SP2: variants seen among roughly 807,000 people sequenced by gnomAD.
SP2 encodes transcription factor Sp2.
In SP2, 9 loss-of-function variants were observed where a neutral mutation model predicts 50.1. The ratio of observed to expected loss-of-function variants is 0.18; its 90% CI spans 0.11 to 0.31. The LOEUF is 0.31. SP2 is among the 10% of genes least tolerant of loss of function. SP2 has a pLI of 1.00. For synonymous variants in SP2, 313 were observed against 326.6 expected, an observed-to-expected ratio of 0.96 and a Z score of 0.45; for missense variants, 581 against 806.5, an observed-to-expected ratio of 0.72 and a Z score of 3.39.
At chr17:47,905,273 G>C (rs2034712660) in intron 1 of SP2, among the ~76,000 whole-genome samples, 1 of 152,176 alleles carries the variant, frequency 6.6e-6, no homozygotes, top group South Asian at 2.1e-4. Flanking sequence ...ATTCTTCCAG[G>C]CTAGGCAACT....
At chr17:47,912,334 T>A (rs1254924211) in intron 1 of SP2, among the ~76,000 whole-genome samples, 16 of 152,092 alleles carry the variant, frequency 1.1e-4, no homozygotes, top group Non-Finnish European at 2.4e-4. Flanking sequence ...AAGTCTCCCC[T>A]CCTCTGGAGT....
intron 2 of SP2, among the ~76,000 whole-genome samples, chr17:47,915,870 C>T (rs368212173): frequency 2.6e-5 from 4 of 152,230 alleles, no homozygotes; most frequent in South Asian, 4.1e-4. Context: ...ACAAGGCCAG[C>T]GGAGAGTAGG....
At chr17:47,904,413 G>A (rs994262594) in intron 1 of SP2, among the ~76,000 whole-genome samples, 1 of 152,140 alleles carries the variant, frequency 6.6e-6, no homozygotes, top group Non-Finnish European at 1.5e-5. Flanking sequence ...GAGAAATTAA[G>A]GACAGTAAGT....
At chr17:47,927,682 T>G (rs1388090315) in intron 6 of SP2, 42 bp from the exon 7 acceptor site, 1 of 1,385,398 alleles carries the variant, frequency 7.2e-7, no homozygotes, top group Admixed American at 2.0e-5. Flanking sequence ...AGACAGGGTC[T>G]GTGCACAGGG....
Position 47,916,137 on chromosome 17 carries a change from C to CT in SP2, c.85-18dup. ...CGGGCCTTCCTGTCTCACTCCTTTTCTCTGCTGTTTTTTTGCAGGACTCCC... is the reference window on the plus strand; with the variant it reads ...CGGGCCTTCCTGTCTCACTCCTTTTCTTCTGCTGTTTTTTTGCAGGACTCCC... On this transcript the variant is annotated intron_variant, in intron 2 of 6. Coordinates refer to ENST00000376741, the MANE Select transcript of SP2 (RefSeq NM_003110.6). This position sits in a 1 kb window ranked among gnomAD's most constrained non-coding sequence, Gnocchi z 4.7. 2 of 1,585,480 alleles carry CT rather than the reference C, an allele frequency of 1.3e-6. No homozygotes were observed. Among genetic ancestry groups the CT allele is most frequent in the Non-Finnish European group, 1.7e-6 (2 of 1,164,666 alleles).
chr17:47,911,120 G>A (rs982285712), intron 1 of SP2, among the ~76,000 whole-genome samples: 1 of 152,090 alleles, frequency 6.6e-6, no homozygotes, highest in African/African-American at 2.4e-5. Context: ...CAGCTACTTG[G>A]GGGGCTGAGG....
intron 1 of SP2, among the ~76,000 whole-genome samples, chr17:47,905,902 CAG>C (rs2034741321): frequency 6.6e-6 from 1 of 152,120 alleles, no homozygotes; most frequent in African/African-American, 2.4e-5. Context: ...CCAAGTGAGA[CAG>C]GGTGGCGTGT....
intron 1 of SP2, 82 bp from the exon 2 acceptor site, chr17:47,915,228 TAG>T: frequency 2.2e-6 from 2 of 910,214 alleles, no homozygotes; most frequent in Non-Finnish European, 3.3e-6. Context: ...AAAAAAAAAA[TAG>T]AAAAAAAGAA....
rs141770215 is a variant in SP2, at chr17:47,905,392, AT to A, written c.7+9100del. Reference sequence around the variant, plus strand: ...ACAGTGTGAAATTCCTCCAGGGGAAATACCATAGCAAAAAGCCAAGAAAGCC... The same window carrying A: ...ACAGTGTGAAATTCCTCCAGGGGAAAACCATAGCAAAAAGCCAAGAAAGCC... On this transcript the variant is annotated intron_variant, in intron 1 of 6. Transcript: ENST00000376741. Among the ~76,000 whole-genome samples the A allele has an allele frequency of 4.6e-3, 707 of 152,310 alleles. 3 individuals carry two copies. The highest frequency in any genetic ancestry group is 0.016 in the African/African-American group (675 of 41,570).
chr17:47,897,071 A>G (rs1255377550), intron 1 of SP2, among the ~76,000 whole-genome samples: 3 of 152,224 alleles, frequency 2.0e-5, no homozygotes, highest in Non-Finnish European at 4.4e-5. Context: ...AGGGGAGACT[A>G]CTGCAGTCCC....
intron 3 of SP2, among the ~76,000 whole-genome samples, chr17:47,919,993 C>T (rs556186239): frequency 2.6e-5 from 4 of 151,778 alleles, no homozygotes; most frequent in East Asian, 1.9e-4. Flanking sequence ...CGTGCCACCA[C>T]GCCCGGCTAA....
In SP2 at chr17:47,924,935, A is replaced by G. The variant is rs760506307; in HGVS notation, c.1389A>G (p.Thr463=). ...TCCCCACAGGGCAGCAGCAGCTGAC[A>G]GTGCAGAATGTTTCTGGGAACAACC... The part of the protein sequence containing the change: ...ITNTGGQQQL[T]VQNVSGNNLT... The change falls in exon 5 of 7, where the codon ACA becomes ACG. Residue 463 remains threonine (T), a synonymous_variant. Transcript: ENST00000376741. 4.4e-6 allele frequency: 7 copies of G among 1,604,144 alleles called. No homozygotes were observed. Among genetic ancestry groups the G allele is most frequent in the African/African-American group, 1.3e-5 (1 of 74,758 alleles).
rs1240591893 is a variant in SP2 at position 47,916,539 on chromosome 17, C to T, written c.468C>T (p.Ile156=). The T allele has an allele frequency of 6.2e-7, 1 of 1,614,114 alleles. No homozygotes were observed. Among genetic ancestry groups the T allele is most frequent in the Admixed American group, 1.7e-5 (1 of 60,020 alleles). Residue 156 remains isoleucine (I), a synonymous_variant, in exon 3 of 7, where the codon ATC becomes ATT. Transcript: ENST00000376741. This position sits in a 1 kb window ranked among gnomAD's most constrained non-coding sequence, Gnocchi z 4.7. Reference sequence around the variant, plus strand: ...TACAGCCCAATCTCACCAACCAGATCCAGATCATCCCTGGCACCAACCAAG... The same window carrying T: ...TACAGCCCAATCTCACCAACCAGATTCAGATCATCCCTGGCACCAACCAAG... ...IQVQPNLTNQ[I]QIIPGTNQAI... is the part of the protein sequence containing the mutation.
chr17:47,927,644 C>A lies in SP2; in HGVS notation c.1742-80C>A, dbSNP rs536276460. 8.8e-6 allele frequency: 8 copies of A among 910,474 alleles called. No individual in the cohort carries two copies. In the South Asian group the frequency reaches 1.2e-4, roughly 14 times the overall value. 56.4% of individuals were successfully genotyped at this position (910,474 alleles called of 1,614,324 possible). A position where few individuals can be genotyped will look rare whatever the true frequency, so the allele number is the denominator to read the frequency against. Reference sequence around the variant, plus strand: ...GCCATGTCAGCTTGATTGGGTGCACCTCACACGCACCCCACCTTTTTGGGC... The same window carrying A: ...GCCATGTCAGCTTGATTGGGTGCACATCACACGCACCCCACCTTTTTGGGC... On this transcript the variant is annotated intron_variant, in intron 6 of 6. Coordinates refer to ENST00000376741, the MANE Select transcript of SP2 (RefSeq NM_003110.6).
At position 47,928,060 on chromosome 17, in the gene SP2, A is replaced by G. The variant is rs1328422162; in HGVS notation, c.*236A>G. The stretch of plus-strand genomic sequence containing the variant: ...CTCCCGGCCTGCCCAGACTGTGGAC[A>G]CTGGCCGTGCCCAATGAGACGTTCT... On this transcript the variant is annotated 3_prime_UTR_variant, in exon 7 of 7. Coordinates refer to ENST00000376741, the MANE Select transcript of SP2 (RefSeq NM_003110.6). 3.9e-6 allele frequency: 2 copies of G among 506,442 alleles called. No homozygotes were observed. Among genetic ancestry groups the G allele is most frequent in the Admixed American group, 3.4e-5 (1 of 29,670 alleles). The allele number at this position is 506,442 out of a possible 1,614,324, so 31.4% of individuals were successfully genotyped here.
chr17:47,906,799 GAGGGCTGGATGTAC>G (rs1395419635), intron 1 of SP2, among the ~76,000 whole-genome samples: 1 of 152,188 alleles, frequency 6.6e-6, no homozygotes, highest in African/African-American at 2.4e-5. Flanking sequence ...AAGACCCACA[GAGGGCTGGATGTAC>G]AGGTCTAACA....
At position 47,927,862 on chromosome 17, in the gene SP2, C is replaced by G; in HGVS notation, c.*38C>G. 8.1e-7 allele frequency: 1 copy of G among 1,234,764 alleles called. No individual in the cohort carries two copies. Among genetic ancestry groups the G allele is most frequent in the Non-Finnish European group, 1.2e-6 (1 of 855,838 alleles). 76.5% of individuals were successfully genotyped at this position (1,234,764 alleles called of 1,614,324 possible). On this transcript the variant is annotated 3_prime_UTR_variant, in exon 7 of 7. Coordinates refer to ENST00000376741, the MANE Select transcript of SP2 (RefSeq NM_003110.6). Reference sequence around the variant, plus strand: ...CGGGAGGCCCTGAAGATGCAGTCCCCCACCTGTGTCCTCCCTGGGCCCCTG... The same window carrying G: ...CGGGAGGCCCTGAAGATGCAGTCCCGCACCTGTGTCCTCCCTGGGCCCCTG...
At chr17:47,903,747 G>A (rs2034639814) in intron 1 of SP2, among the ~76,000 whole-genome samples, 1 of 152,152 alleles carries the variant, frequency 6.6e-6, no homozygotes, top group Non-Finnish European at 1.5e-5. Flanking sequence ...GGATCACGAA[G>A]TCAGGAGATT....
intron 1 of SP2, 119 bp downstream of exon 1, chr17:47,896,412 T>G: frequency 8.6e-6 from 7 of 817,620 alleles, no homozygotes; most frequent in Non-Finnish European, 9.8e-6. Flanking sequence ...GGGTCTGGCG[T>G]CGGGGCCCGG....
Sources: gnomAD v4.1 joint callset for allele counts (sites outside exome capture counted in the v4.1 genomes callset) on GRCh38, gnomAD v4.1.1 for gene constraint, Gnocchi (gnomAD v3.1) non-coding constraint, MANE v1.5 for transcripts, NCBI Gene and HGNC (gene_info 2026-07-23, HGNC 2026-07-21) for gene names.